Variants in SFMBT2 observed in about 807,000 individuals in gnomAD.
SFMBT2 encodes scm-like with four MBT domains protein 2.
A neutral mutation model predicts 110.1 loss-of-function variants in SFMBT2; 38 were observed. The observed-to-expected ratio is 0.35, with a 90% CI of 0.27 to 0.45. The LOEUF (loss-of-function observed/expected upper bound fraction) is 0.45, where lower values mean the gene tolerates loss of function less well. Among genes scored for constraint, SFMBT2 ranks in the 20% least tolerant of loss-of-function variants. The pLI is 1.00. For missense variants in SFMBT2, 1,011 were observed against 1,094.9 expected (o/e 0.92, Z 1.08); for synonymous variants, 425 against 425.4 (o/e 1.00, Z 0.01).
intron 4 of SFMBT2, among the ~76,000 whole-genome samples, chr10:7,329,859 C>A (rs532751389): frequency 2.4e-4 from 36 of 152,360 alleles, no homozygotes; most frequent in Admixed American, 1.8e-3. Context: ...CGAGGTCACT[C>A]GGGCTGTCCC....
intron 4 of SFMBT2, among the ~76,000 whole-genome samples, chr10:7,297,535 G>C (rs1024661744): frequency 2.0e-5 from 3 of 152,084 alleles, no homozygotes; most frequent in Admixed American, 6.5e-5. Flanking sequence ...GGGAAAGGGC[G>C]AATGGGAGGG....
At position 7,367,570 on chromosome 10, in the gene SFMBT2, T is replaced by C. The variant is rs79701368; in HGVS notation, c.436+79A>G. On this transcript the variant is annotated intron_variant, in intron 4 of 20. Transcript: ENST00000397167. The surrounding 1 kb of genome is among the most constrained non-coding windows in gnomAD (Gnocchi z 6.2). ...GACCATTAGGGATTCTACGCAAGGTTCTCTCTGCTCCTTGCAAAATTACAG... is the reference window on the plus strand; with the variant it reads ...GACCATTAGGGATTCTACGCAAGGTCCTCTCTGCTCCTTGCAAAATTACAG... 2,982 of 1,539,118 alleles carry C rather than the reference T, an allele frequency of 1.9e-3. 49 individuals are homozygous for C. The African/African-American group carries it at 0.033, about 17-fold the overall frequency.
chr10:7,243,732 A>G (rs749118432), intron 8 of SFMBT2, 27 bp from the exon 9 acceptor site: 1 of 862,028 alleles, frequency 1.2e-6, no homozygotes, highest in Non-Finnish European at 2.0e-6. Flanking sequence ...GGGGGAGCCA[A>G]AGGTTAATTC....
chr10:7,204,874 T>TAAA, intron 12 of SFMBT2: 1 of 695,778 alleles, frequency 1.4e-6, no homozygotes, highest in Non-Finnish European at 1.8e-6. Flanking sequence ...ACTCCATCTT[T>TAAA]AAAAAAAAAA....
rs531908495 is a variant in SFMBT2, at chr10:7,209,350, G to A, written c.1331-3422C>T. On this transcript the variant is annotated intron_variant, in intron 11 of 20. Coordinates refer to ENST00000397167, the MANE Select transcript of SFMBT2 (RefSeq NM_001387889.1). ...GGCTAAGATCAAGCGAAAAATCCCC[G>A]ACAAACAACACAAGACCATGTTCAA... Among the ~76,000 whole-genome samples the A allele has an allele frequency of 9.2e-4, 140 of 152,260 alleles. 1 individual carries two copies. Among genetic ancestry groups the A allele is most frequent in the African/African-American group, 3.1e-3 (127 of 41,544 alleles).
At chr10:7,279,465 TTGACAGCC>T (rs1841881151) in intron 6 of SFMBT2, among the ~76,000 whole-genome samples, 1 of 152,188 alleles carries the variant, frequency 6.6e-6, no homozygotes, top group Admixed American at 6.5e-5. Flanking sequence ...AACTGCAGTT[TTGACAGCC>T]TGACACAACC....
At chr10:7,223,005 T>C (rs1839795186) in intron 10 of SFMBT2, among the ~76,000 whole-genome samples, 3 of 152,118 alleles carry the variant, frequency 2.0e-5, no homozygotes, top group Non-Finnish European at 4.4e-5. Flanking sequence ...GGTCCATCCA[T>C]AGGACCTCAT....
At chr10:7,180,190 G>A (rs1355161807) in intron 16 of SFMBT2, among the ~76,000 whole-genome samples, 2 of 151,814 alleles carry the variant, frequency 1.3e-5, no homozygotes, top group African/African-American at 2.4e-5. Flanking sequence ...TGGTGCAAGA[G>A]CTCAGCTCAC....
chr10:7,206,596 A>G, intron 11 of SFMBT2: 1 of 984,776 alleles, frequency 1.0e-6, no homozygotes. Context: ...AGCAATGTCT[A>G]AAAGATCCCA....
intron 6 of SFMBT2, among the ~76,000 whole-genome samples, chr10:7,278,505 A>T (rs1170508050): frequency 6.6e-6 from 1 of 152,194 alleles, no homozygotes; most frequent in Non-Finnish European, 1.5e-5. Context: ...ATCAGGAGAG[A>T]AATTGCCAAC....
intron 9 of SFMBT2, among the ~76,000 whole-genome samples, chr10:7,230,608 C>A (rs1345129159): frequency 6.6e-6 from 1 of 152,136 alleles, no homozygotes. Flanking sequence ...TCTTCTGTGC[C>A]CCACTTTCCT....
At chr10:7,307,714 C>T (rs1444162134) in intron 4 of SFMBT2, among the ~76,000 whole-genome samples, 2 of 152,106 alleles carry the variant, frequency 1.3e-5, no homozygotes, top group African/African-American at 4.8e-5. Context: ...GGCAAAACTA[C>T]AAAGCTGTTG....
chr10:7,215,184 T>C (rs1483783018), intron 11 of SFMBT2, among the ~76,000 whole-genome samples: 1 of 152,198 alleles, frequency 6.6e-6, no homozygotes, highest in Non-Finnish European at 1.5e-5. Context: ...GCAGATCACT[T>C]GAGCCCAGGA....
At position 7,199,363 on chromosome 10, in the gene SFMBT2, G is replaced by A. The variant is rs182218184; in HGVS notation, c.1558+1051C>T. 3.3e-3 allele frequency among the ~76,000 whole-genome samples: 495 copies of A among 152,156 alleles called. 2 individuals are homozygous for A. The highest frequency in any genetic ancestry group is 0.012 in the African/African-American group (480 of 41,512). ...CCGCCCCCACCCTGACTCTACCCAA[G>A]CTCCAAGCTAAGCAACACTCACAGT... On this transcript the variant is annotated intron_variant, in intron 14 of 20. Transcript: ENST00000397167.
chr10:7,331,663 T>A (rs1178177317), intron 4 of SFMBT2, among the ~76,000 whole-genome samples: 7 of 152,022 alleles, frequency 4.6e-5, no homozygotes, highest in Non-Finnish European at 8.8e-5. Context: ...GCTAGTCACA[T>A]CCACTCAAGT....
chr10:7,262,250 G>A (rs1406289405), intron 7 of SFMBT2, among the ~76,000 whole-genome samples: 1 of 149,882 alleles, frequency 6.7e-6, no homozygotes, highest in Non-Finnish European at 1.5e-5. Flanking sequence ...TTGGAGGGGG[G>A]ATGGGGGAGC....
intron 4 of SFMBT2, among the ~76,000 whole-genome samples, chr10:7,349,440 CTTTT>C (rs369479041): frequency 0.024 from 1,107 of 46,828 alleles, 16 homozygotes; most frequent in African/African-American, 0.093. Flanking sequence ...CTTTTCTTTT[CTTTT>C]TTTTTTTTTT....
intron 1 of SFMBT2, among the ~76,000 whole-genome samples, chr10:7,394,866 T>C (rs1387284239): frequency 2.0e-5 from 3 of 152,142 alleles, no homozygotes; most frequent in Admixed American, 6.5e-5. Flanking sequence ...CTCCCTCTGT[T>C]ACACAGAGGG....
chr10:7,337,931 C>T (rs1296258193), intron 4 of SFMBT2, among the ~76,000 whole-genome samples: 1 of 152,196 alleles, frequency 6.6e-6, no homozygotes, highest in Non-Finnish European at 1.5e-5. Flanking sequence ...GCCTGGCCCC[C>T]AAAACACAGC....
Sources: allele counts gnomAD v4.1 joint callset (sites outside exome capture counted in the v4.1 genomes callset), GRCh38; gene constraint gnomAD v4.1.1; non-coding constraint Gnocchi (gnomAD v3.1); transcripts MANE v1.5; gene names NCBI Gene and HGNC (gene_info 2026-07-23, HGNC 2026-07-21).